The following TMTC1 variants were observed in gnomAD, a reference collection of about 807,000 sequenced individuals.
TMTC1 encodes the protein transmembrane O-mannosyltransferase targeting cadherins 1.
In TMTC1, 73 loss-of-function variants were observed where a neutral mutation model predicts 104.8. That is an observed-to-expected ratio of 0.70 (90% confidence interval 0.58 to 0.85). TMTC1 has a LOEUF of 0.85. Among genes scored for constraint, TMTC1 ranks in the 40% least tolerant of loss-of-function variants. TMTC1 has a pLI of 0.00. For synonymous variants in TMTC1, 434 were observed against 428.7 expected, an observed-to-expected ratio of 1.01 and a Z score of -0.15; for missense variants, 1,035 against 1,096.1, an observed-to-expected ratio of 0.94 and a Z score of 0.79.
intron 1 of TMTC1, among the ~76,000 whole-genome samples, chr12:29,779,392 G>C (rs1592047037): frequency 6.6e-6 from 1 of 152,152 alleles, no homozygotes; most frequent in Non-Finnish European, 1.5e-5. Flanking sequence ...ACCACATCTT[G>C]GTAAGCTGCT....
intron 2 of TMTC1, among the ~76,000 whole-genome samples, chr12:29,766,444 C>T (rs1385891125): frequency 6.6e-6 from 1 of 152,188 alleles, no homozygotes; most frequent in Non-Finnish European, 1.5e-5. Context: ...ACTTCTAAGG[C>T]CATGTTATAT....
chr12:29,643,605 T>TATATATTATATA (rs1939004764), intron 5 of TMTC1, among the ~76,000 whole-genome samples: 1 of 52,388 alleles, frequency 1.9e-5, no homozygotes, highest in Non-Finnish European at 3.1e-5. Flanking sequence ...TATTATATAT[T>TATATATTATATA]ATATATAATA....
At chr12:29,684,791 C>G (rs763745719) in intron 5 of TMTC1, among the ~76,000 whole-genome samples, 1 of 152,138 alleles carries the variant, frequency 6.6e-6, no homozygotes, top group Non-Finnish European at 1.5e-5. Context: ...TCCCCCTCTC[C>G]GGCCACACAC....
chr12:29,524,208 C>T (rs747316731), intron 11 of TMTC1, among the ~76,000 whole-genome samples: 9 of 152,104 alleles, frequency 5.9e-5, no homozygotes, highest in Non-Finnish European at 8.8e-5. Flanking sequence ...TTATAATGAT[C>T]AAGAAGATCA....
chr12:29,685,847 G>A (rs1007972171), intron 5 of TMTC1, among the ~76,000 whole-genome samples: 1 of 150,294 alleles, frequency 6.7e-6, no homozygotes, highest in Non-Finnish European at 1.5e-5. Context: ...ATAGGCTAAT[G>A]CACTTATAGA....
intron 5 of TMTC1, among the ~76,000 whole-genome samples, chr12:29,685,442 T>C (rs763862296): frequency 2.0e-5 from 3 of 151,548 alleles, no homozygotes; most frequent in Non-Finnish European, 4.4e-5. Context: ...TTAAAAATTG[T>C]AGTGCTTAAA....
At chr12:29,769,986 TG>T (rs1437711810) in intron 1 of TMTC1, among the ~76,000 whole-genome samples, 1 of 151,898 alleles carries the variant, frequency 6.6e-6, no homozygotes, top group Non-Finnish European at 1.5e-5. Flanking sequence ...TTAGAGTGAA[TG>T]TACAAGAATG....
chr12:29,679,395 G>T (rs1203703515), intron 5 of TMTC1, among the ~76,000 whole-genome samples: 1 of 152,052 alleles, frequency 6.6e-6, no homozygotes, highest in Non-Finnish European at 1.5e-5. Flanking sequence ...CAGAACAAAA[G>T]TCAGTAAACG....
At chr12:29,590,333 A>G in intron 7 of TMTC1, among the ~76,000 whole-genome samples, 1 of 152,226 alleles carries the variant, frequency 6.6e-6, no homozygotes, top group East Asian at 1.9e-4. Context: ...ACAAGTGGCT[A>G]TAAAGTATCC....
At chr12:29,539,180 C>T (rs977010491) in intron 10 of TMTC1, among the ~76,000 whole-genome samples, 1 of 152,056 alleles carries the variant, frequency 6.6e-6, no homozygotes, top group African/African-American at 2.4e-5. Context: ...TAAATAAAAC[C>T]TTTCTTGGTT....
intron 10 of TMTC1, among the ~76,000 whole-genome samples, chr12:29,539,154 G>A (rs908727983): frequency 1.3e-5 from 2 of 152,178 alleles, no homozygotes; most frequent in Non-Finnish European, 2.9e-5. Context: ...CAATAACTTA[G>A]AGAAGATAAT....
chr12:29,689,210 C>T (rs753981862), intron 5 of TMTC1, among the ~76,000 whole-genome samples: 9 of 151,946 alleles, frequency 5.9e-5, no homozygotes, highest in Non-Finnish European at 1.2e-4. Flanking sequence ...TGTGTACCAC[C>T]CGAATTCATT....
chr12:29,551,174 G>A (rs955171611), intron 10 of TMTC1, among the ~76,000 whole-genome samples: 5 of 152,122 alleles, frequency 3.3e-5, no homozygotes, highest in African/African-American at 1.2e-4. Flanking sequence ...TAATGTGGTA[G>A]TAAGGGTGTT....
At chr12:29,775,581 A>G (rs1219383138) in intron 1 of TMTC1, among the ~76,000 whole-genome samples, 2 of 152,192 alleles carry the variant, frequency 1.3e-5, no homozygotes, top group East Asian at 3.8e-4. Context: ...TAAATGTTCT[A>G]TTTCTTCAGG....
Position 29,518,736 on chromosome 12 carries a change from C to A in TMTC1, c.1889-129G>T, listed in dbSNP as rs546813558. On this transcript the variant is annotated intron_variant, in intron 12 of 17. Coordinates refer to ENST00000539277, the MANE Select transcript of TMTC1 (RefSeq NM_001193451.2). ...AGTTATACCAAAATTATTCAATATG[C>A]AAATTAGCTTGCATTTCAGCTTCTC... is the stretch of plus-strand genomic sequence containing the variant. 1.0e-4 allele frequency: 124 copies of A among 1,185,520 alleles called. 3 individuals carry two copies. In the South Asian group the frequency reaches 2.5e-3, roughly 24 times the overall value. The allele number at this position is 1,185,520 out of a possible 1,614,324, so 73.4% of individuals were successfully genotyped here. A position where few individuals can be genotyped will look rare whatever the true frequency, so the allele number is the denominator to read the frequency against.
In TMTC1 at chr12:29,517,464, GC is replaced by G. The variant is rs1231694966; in HGVS notation, c.2131del (p.Ala711HisfsTer19). ...EALQIYQEAA[A>X]LQPSQRELRL... ...GAGCTCCCTCTGAGAAGGCTGAAGT[GC>G]TGCAGCTTCCTGGTAAATCTGCAAA... On this transcript the variant is annotated frameshift_variant, in exon 14 of 18. Coordinates refer to ENST00000539277, the MANE Select transcript of TMTC1 (RefSeq NM_001193451.2). LOFTEE classifies it high-confidence loss of function. 6.2e-7 allele frequency: 1 copy of G among 1,614,140 alleles called. No individual in the cohort carries two copies. The highest frequency in any genetic ancestry group is 8.5e-7 in the Non-Finnish European group (1 of 1,180,024).
chr12:29,783,829 C>A lies in TMTC1; in HGVS notation c.-78G>T. 1 of 1,088,048 alleles carries A rather than the reference C, an allele frequency of 9.2e-7. No individual in the cohort carries two copies. Among genetic ancestry groups the A allele is most frequent in the Non-Finnish European group, 1.1e-6 (1 of 896,770 alleles). The allele number at this position is 1,088,048 out of a possible 1,614,324, so 67.4% of individuals were successfully genotyped here. On this transcript the variant is annotated 5_prime_UTR_variant, in exon 1 of 18. Coordinates refer to ENST00000539277, the MANE Select transcript of TMTC1 (RefSeq NM_001193451.2). This position sits in a 1 kb window ranked among gnomAD's most constrained non-coding sequence, Gnocchi z 4.7. ...CCCCTACCGGGGCCCCGGCGGCGCG[C>A]GGCGTCTGCCCGGAGGGGGGCTCGG...
intron 6 of TMTC1, among the ~76,000 whole-genome samples, chr12:29,627,504 T>A (rs907102576): frequency 4.6e-5 from 7 of 152,162 alleles, no homozygotes; most frequent in Admixed American, 3.9e-4. Context: ...TCTTGTACAT[T>A]GCTGGAGGGA....
intron 5 of TMTC1, chr12:29,660,948 C>A: frequency 1.0e-6 from 1 of 985,388 alleles, no homozygotes; most frequent in Non-Finnish European, 1.4e-6. Context: ...GTTCTCCTTT[C>A]AAGGTGAAGA....
Sources: gnomAD v4.1 joint callset for allele counts (sites outside exome capture counted in the v4.1 genomes callset) on GRCh38, gnomAD v4.1.1 for gene constraint, Gnocchi (gnomAD v3.1) non-coding constraint, MANE v1.5 for transcripts, NCBI Gene and HGNC (gene_info 2026-07-23, HGNC 2026-07-21) for gene names.